MUC7: variants seen among roughly 807,000 people sequenced by gnomAD.
The protein encoded by MUC7 is mucin 7, secreted, also known as mucin-7.
A neutral mutation model predicts 2.5 loss-of-function variants in MUC7; 2 were observed. The observed-to-expected ratio is 0.81, with a 90% confidence interval of 0.33 to 2.55. The LOEUF is 2.55. Among genes scored for constraint, MUC7 ranks in the 30% most tolerant of loss-of-function variants. The probability of loss-of-function intolerance (pLI) is 0.11; values close to 1 mark genes in which losing one functional copy is unlikely to be tolerated. For missense variants in MUC7, 408 were observed against 455.6 expected (o/e 0.90, Z 0.95); for synonymous variants, 133 against 173.4 (o/e 0.77, Z 1.83).
At chr4:70,431,162 C>G (rs1189613043) in intron 1 of MUC7, among the ~76,000 whole-genome samples, 1 of 152,104 alleles carries the variant, frequency 6.6e-6, no homozygotes, top group East Asian at 1.9e-4. Context: ...GGGGGAAAAA[C>G]AGCTTTGCCC....
chr4:70,452,776 A>G (rs1734310709), intron 1 of MUC7, among the ~76,000 whole-genome samples: 1 of 152,156 alleles, frequency 6.6e-6, no homozygotes, highest in Non-Finnish European at 1.5e-5. Flanking sequence ...ATTTTCTATT[A>G]TCAGTGAGTT....
At chr4:70,480,006 A>G (rs1197781940) in intron 2 of MUC7, among the ~76,000 whole-genome samples, 1 of 152,348 alleles carries the variant, frequency 6.6e-6, no homozygotes, top group Non-Finnish European at 1.5e-5. Context: ...GCCTTTCAGC[A>G]GGTGTATTGA....
At chr4:70,466,820 C>A (rs1381078873) in intron 1 of MUC7, among the ~76,000 whole-genome samples, 1 of 152,184 alleles carries the variant, frequency 6.6e-6, no homozygotes, top group Non-Finnish European at 1.5e-5. Flanking sequence ...GAGACTTCAA[C>A]ACCACACTGT....
At chr4:70,434,917 CGTT>C (rs1374186133) in intron 1 of MUC7, among the ~76,000 whole-genome samples, 1 of 152,088 alleles carries the variant, frequency 6.6e-6, no homozygotes, top group Admixed American at 6.6e-5. Context: ...TCTTTGTTCT[CGTT>C]GGTTTCAAAG....
intron 1 of MUC7, among the ~76,000 whole-genome samples, chr4:70,451,732 T>A (rs550845813): frequency 6.6e-6 from 1 of 152,352 alleles, no homozygotes; most frequent in East Asian, 1.9e-4. Context: ...GAATGTGTTT[T>A]CTTCAGCCAC....
chr4:70,478,459 G>C (rs570068202), intron 2 of MUC7, among the ~76,000 whole-genome samples: 1 of 152,122 alleles, frequency 6.6e-6, no homozygotes, highest in Non-Finnish European at 1.5e-5. Flanking sequence ...TTAGACTTTG[G>C]ATCTGGAATT....
At position 70,465,428 on chromosome 4, in the gene MUC7, G is replaced by A. The variant is rs867114803; in HGVS notation, c.-92-6787G>A. Among the ~76,000 whole-genome samples the A allele has an allele frequency of 7.9e-5, 12 of 152,286 alleles. No individual in the cohort carries two copies. The South Asian group carries it at 2.5e-3, about 32-fold the overall frequency. ...GACAAATTGACAGAAGTAGGCTTCA[G>A]AAGGTGGGTAATAACCTTCTCTGAG... On this transcript the variant is annotated intron_variant, in intron 1 of 3. Coordinates refer to the MUC7 transcript ENST00000413702.
chr4:70,448,819 G>C (rs760961060), intron 1 of MUC7, among the ~76,000 whole-genome samples: 66 of 152,202 alleles, frequency 4.3e-4, no homozygotes, highest in South Asian at 1.0e-3. Context: ...TCCTGTGCTT[G>C]TGAGGTATTA....
intron 1 of MUC7, among the ~76,000 whole-genome samples, chr4:70,459,352 T>C (rs1310008802): frequency 5.9e-5 from 9 of 152,230 alleles, no homozygotes; most frequent in Non-Finnish European, 8.8e-5. Flanking sequence ...ACACCGCATG[T>C]TCTCACTCAT....
chr4:70,438,826 T>G (rs1560544603), intron 1 of MUC7, among the ~76,000 whole-genome samples: 2 of 152,176 alleles, frequency 1.3e-5, no homozygotes, highest in African/African-American at 4.8e-5. Flanking sequence ...AATCTAAATG[T>G]TTTTTCCAAT....
At chr4:70,465,545 A>T (rs1044497300) in intron 1 of MUC7, among the ~76,000 whole-genome samples, 1 of 152,158 alleles carries the variant, frequency 6.6e-6, no homozygotes, top group Non-Finnish European at 1.5e-5. Flanking sequence ...AGTTTAGAGA[A>T]GACCATAATG....
intron 1 of MUC7, among the ~76,000 whole-genome samples, chr4:70,465,151 A>T (rs1404276233): frequency 6.6e-6 from 1 of 152,252 alleles, no homozygotes; most frequent in African/African-American, 2.4e-5. Flanking sequence ...GACCTAGGGC[A>T]GAGGGGCCTG....
At chr4:70,457,627 A>AT (rs1734446102) in intron 1 of MUC7, among the ~76,000 whole-genome samples, 1 of 152,160 alleles carries the variant, frequency 6.6e-6, no homozygotes, top group Non-Finnish European at 1.5e-5. Context: ...AAATTTAGCA[A>AT]TAAAAACTGT....
chr4:70,432,873 T>C (rs1733717848), intron 1 of MUC7, among the ~76,000 whole-genome samples: 1 of 152,238 alleles, frequency 6.6e-6, no homozygotes, highest in South Asian at 2.1e-4. Flanking sequence ...GTCTAATATG[T>C]AAGTCTTTAA....
rs368121308 is a variant in MUC7, at chr4:70,481,892, G to T, written c.*14G>T. The T allele has an allele frequency of 2.1e-5, 33 of 1,606,818 alleles. No homozygotes were observed. Among genetic ancestry groups the T allele is most frequent in the Non-Finnish European group, 2.8e-5 (33 of 1,176,258 alleles). ...GTGGAGCAATAGTATATTGTATGTT[G>T]TAAAGTGTTCTGTCATTTACAAGAT... On this transcript the variant is annotated 3_prime_UTR_variant, in exon 3 of 3. Coordinates refer to ENST00000304887, the MANE Select transcript of MUC7 (RefSeq NM_152291.3).
intron 2 of MUC7, among the ~76,000 whole-genome samples, chr4:70,478,118 G>A (rs1735059178): frequency 6.6e-6 from 1 of 152,020 alleles, no homozygotes; most frequent in Non-Finnish European, 1.5e-5. Flanking sequence ...CATGTTCCAG[G>A]CCAAGCTAAC....
Position 70,481,773 on chromosome 4 carries a change from T to C in MUC7, c.1029T>C (p.Thr343=). The change falls in exon 3 of 3, where the codon ACT becomes ACC. Residue 343 remains threonine (T), a synonymous_variant. Coordinates refer to ENST00000304887, the MANE Select transcript of MUC7 (RefSeq NM_152291.3). ...TTTSVTTQTT[T]TKQPTSAPGQ... is the part of the protein sequence containing the mutation. Reference sequence around the variant, plus strand: ...CTTCGGTCACTACTCAAACTACTACTACTAAACAACCAACTTCAGCTCCTG... The same window carrying C: ...CTTCGGTCACTACTCAAACTACTACCACTAAACAACCAACTTCAGCTCCTG... The C allele has an allele frequency of 6.2e-7, 1 of 1,614,216 alleles. No individual in the cohort carries two copies. Among genetic ancestry groups the C allele is most frequent in the African/African-American group, 1.3e-5 (1 of 75,072 alleles).
At chr4:70,433,065 C>A (rs1029272816) in intron 1 of MUC7, among the ~76,000 whole-genome samples, 6 of 152,062 alleles carry the variant, frequency 3.9e-5, no homozygotes, top group African/African-American at 1.4e-4. Flanking sequence ...TTTCTGAAGG[C>A]TCTGTTCTGT....
intron 1 of MUC7, among the ~76,000 whole-genome samples, chr4:70,435,487 G>T (rs1370706962): frequency 2.0e-5 from 3 of 152,060 alleles, no homozygotes; most frequent in African/African-American, 4.8e-5. Flanking sequence ...GATCTTTGTT[G>T]GTTTAAAGTC....
Sources: gnomAD v4.1 joint callset for allele counts (sites outside exome capture counted in the v4.1 genomes callset) on GRCh38, gnomAD v4.1.1 for gene constraint, MANE v1.5 for transcripts, NCBI Gene and HGNC (gene_info 2026-07-23, HGNC 2026-07-21) for gene names.